Variants in SLIT1 observed in about 807,000 individuals in gnomAD.
The protein encoded by SLIT1 is slit guidance ligand 1.
SLIT1 carries 66 observed loss-of-function variants against 186.1 expected under a neutral mutation model. That is an observed-to-expected ratio of 0.35 (90% CI 0.29 to 0.44). The LOEUF (loss-of-function observed/expected upper bound fraction) is 0.44, where lower values mean the gene tolerates loss of function less well. SLIT1 is among the 20% of genes least tolerant of loss of function. The pLI is 1.00. For synonymous variants in SLIT1, 761 were observed against 833.8 expected, an observed-to-expected ratio of 0.91 and a Z score of 1.50; for missense variants, 1,638 against 2,037.4, an observed-to-expected ratio of 0.80 and a Z score of 3.77.
chr10:97,106,408 G>GAACGAACA (rs989638850), intron 4 of SLIT1, among the ~76,000 whole-genome samples: 22 of 146,038 alleles, frequency 1.5e-4, no homozygotes, highest in Non-Finnish European at 1.5e-5. Flanking sequence ...ATGAATGAAC[G>GAACGAACA]AATGAATGAA....
chr10:97,125,542 A>AAC (rs1193048850), intron 4 of SLIT1, among the ~76,000 whole-genome samples: 3 of 150,868 alleles, frequency 2.0e-5, no homozygotes, highest in African/African-American at 4.9e-5. Context: ...TCAAAAAAAA[A>AAC]AAAAAAAAAA....
In SLIT1 at chr10:97,113,399, C is replaced by T. The variant is rs891627265; in HGVS notation, c.413+44419G>A. ...GATTACAGGCGTGTACCACCACACC[C>T]GGCTAATTTTGTATTTTTAATAGAG... On this transcript the variant is annotated intron_variant, in intron 4 of 36. Transcript: ENST00000266058. 1.3e-4 allele frequency among the ~76,000 whole-genome samples: 19 copies of T among 151,898 alleles called. No homozygotes were observed. In the Middle Eastern group the frequency reaches 0.01, roughly 82 times the overall value.
Position 97,184,820 on chromosome 10 carries a change from A to G in SLIT1, c.197+658T>C, listed in dbSNP as rs1163357299. 6.6e-6 allele frequency among the ~76,000 whole-genome samples: 1 copy of G among 152,124 alleles called. No homozygotes were observed. The highest frequency in any genetic ancestry group is 1.5e-5 in the Non-Finnish European group (1 of 68,010). ...TGCCCCTTTTCGGGTGCTGAATGTT[A>G]CATACCCCAAGCCCCATACCCAAAG... On this transcript the variant is annotated intron_variant, in intron 1 of 36. Transcript: ENST00000266058. This position sits in a 1 kb window ranked among gnomAD's most constrained non-coding sequence, Gnocchi z 4.4.
chr10:97,145,383 T>G (rs1206567855), intron 4 of SLIT1, among the ~76,000 whole-genome samples: 1 of 152,218 alleles, frequency 6.6e-6, no homozygotes, highest in Non-Finnish European at 1.5e-5. Context: ...CCCAAAGTGC[T>G]GGGATTACAG....
intron 4 of SLIT1, among the ~76,000 whole-genome samples, chr10:97,143,947 CA>C (rs1849791328): frequency 6.6e-6 from 1 of 152,180 alleles, no homozygotes; most frequent in Non-Finnish European, 1.5e-5. Flanking sequence ...CCTGTAATCC[CA>C]GCACTTTGGG....
chr10:97,043,136 T>C lies in SLIT1; in HGVS notation c.1998-69A>G. ...CTCAGAGGTCCCAGCAAACCCCTCC[T>C]GTACCACGGACACAGGGCCACATGG... On this transcript the variant is annotated intron_variant, in intron 19 of 36. Transcript: ENST00000266058. The surrounding 1 kb of genome is among the most constrained non-coding windows in gnomAD (Gnocchi z 7.0). 1 of 1,530,992 alleles carries C rather than the reference T, an allele frequency of 6.5e-7. No homozygotes were observed. Among genetic ancestry groups the C allele is most frequent in the South Asian group, 1.2e-5 (1 of 81,938 alleles). The allele number at this position is 1,530,992 out of a possible 1,614,324, so 94.8% of individuals were successfully genotyped here.
chr10:97,027,800 T>C (rs1026309576), intron 25 of SLIT1, among the ~76,000 whole-genome samples: 4 of 152,202 alleles, frequency 2.6e-5, no homozygotes, highest in African/African-American at 9.7e-5. Context: ...CCTCTAGATT[T>C]TGAGCTGGAG....
At position 97,013,785 on chromosome 10, in the gene SLIT1, T is replaced by C; in HGVS notation, c.3159A>G (p.Pro1053=). ...LVDLCSPDLN[P]CQHEAQCVGT... is the part of the protein sequence containing the mutation. ...CCACACACTGGGCCTCGTGTTGACA[T>C]GGGTTCAGATCCGGAGAGCACAAGT... The change falls in exon 30 of 37, where the codon CCA becomes CCG. Residue 1053 remains proline, a synonymous_variant. Coordinates refer to ENST00000266058, the MANE Select transcript of SLIT1 (RefSeq NM_003061.3). The C allele has an allele frequency of 6.4e-7, 1 of 1,551,518 alleles. No individual in the cohort carries two copies. The highest frequency in any genetic ancestry group is 1.2e-5 in the South Asian group (1 of 84,052).
In SLIT1 at chr10:97,060,106, A is replaced by C. The variant is rs1348557816; in HGVS notation, c.994T>G (p.Tyr332Asp). 1 of 1,613,794 alleles carries C rather than the reference A, an allele frequency of 6.2e-7. No homozygotes were observed. Among genetic ancestry groups the C allele is most frequent in the Non-Finnish European group, 8.5e-7 (1 of 1,179,670 alleles). ...KSIPPGAFSP[Y>D]RKLRRIDLSN... is the part of the protein sequence containing the mutation. ...ACTCACATCCTCCGTAGCTTTCTGT[A>C]GGGTGAGAAGGCTCCAGGAGGGATG... The change falls in exon 10 of 37, where the codon TAC becomes GAC. Residue 332 changes from tyrosine to aspartate, a missense_variant. By Grantham distance (160) the Tyr-to-Asp change is radical (BLOSUM62 -3). Transcript: ENST00000266058.
At chr10:97,058,175 C>A (rs1422830113) in intron 11 of SLIT1, 1 of 665,918 alleles carries the variant, frequency 1.5e-6, no homozygotes, top group Non-Finnish European at 2.8e-6. Context: ...GCCACTGAGA[C>A]AGCATCAGAT....
intron 4 of SLIT1, among the ~76,000 whole-genome samples, chr10:97,125,418 A>C (rs1564681860): frequency 1.3e-5 from 2 of 151,340 alleles, no homozygotes; most frequent in African/African-American, 4.9e-5. Context: ...CGCCTGTGGT[A>C]CCCTACTCAG....
rs1030326437 is a variant in SLIT1, at chr10:97,146,290, G to A, written c.413+11528C>T. On this transcript the variant is annotated intron_variant, in intron 4 of 36. Coordinates refer to ENST00000266058, the MANE Select transcript of SLIT1 (RefSeq NM_003061.3). ...AATTACAAATACAAACCTGGGTCAC[G>A]GCTTAAGGGAAGGGTCTAACTAGGA... 2.6e-5 allele frequency among the ~76,000 whole-genome samples: 4 copies of A among 152,274 alleles called. No homozygotes were observed. In the East Asian group the frequency reaches 5.8e-4, roughly 22 times the overall value.
rs1445124186 is a variant in SLIT1, at chr10:97,043,424, T to C, written c.1943A>G (p.Gln648Arg). ...NVRLLSLYDN[Q>R]ITTVSPGAFD... ...GGCTCCTGGGGATACGGTGGTGATC[T>C]GGTTGTCGTAGAGCGAGAGGAGCCG... The change falls in exon 19 of 37, where the codon CAG becomes CGG. Residue 648 changes from glutamine (Q) to arginine (R), a missense_variant. Physicochemically the swap from Gln to Arg is conservative, Grantham distance 43. Transcript: ENST00000266058. The surrounding 1 kb of genome is among the most constrained non-coding windows in gnomAD (Gnocchi z 7.0). The C allele has an allele frequency of 6.2e-7, 1 of 1,613,854 alleles. No homozygotes were observed. The highest frequency in any genetic ancestry group is 1.7e-5 in the Admixed American group (1 of 60,012).
At chr10:97,166,317 C>T (rs986787929) in intron 1 of SLIT1, among the ~76,000 whole-genome samples, 1 of 151,656 alleles carries the variant, frequency 6.6e-6, no homozygotes, top group Non-Finnish European at 1.5e-5. Context: ...GAGTTCGAGA[C>T]CAGCCTGGCC....
intron 4 of SLIT1, among the ~76,000 whole-genome samples, chr10:97,127,384 G>A (rs1412558404): frequency 6.6e-6 from 1 of 152,158 alleles, no homozygotes; most frequent in Non-Finnish European, 1.5e-5. Context: ...TAGCTTAAAA[G>A]AGAAAAGGGC....
At chr10:97,012,093 C>T (rs1170576664) in intron 30 of SLIT1, among the ~76,000 whole-genome samples, 1 of 150,372 alleles carries the variant, frequency 6.7e-6, no homozygotes, top group East Asian at 2.0e-4. Context: ...CACACACACA[C>T]ACACACACAC....
At chr10:97,170,922 G>A (rs926554154) in intron 1 of SLIT1, among the ~76,000 whole-genome samples, 3 of 152,062 alleles carry the variant, frequency 2.0e-5, no homozygotes, top group African/African-American at 7.2e-5. Context: ...CTGTTCTGGG[G>A]GCTCCTGGCA....
chr10:97,031,559 C>T (rs1196974175), intron 24 of SLIT1, 47 bp downstream of exon 24: 1 of 1,477,056 alleles, frequency 6.8e-7, no homozygotes. Context: ...TGGCAGGACC[C>T]TCAGTGGGGT....
chr10:97,138,438 T>A (rs1229561852), intron 4 of SLIT1, among the ~76,000 whole-genome samples: 1 of 152,232 alleles, frequency 6.6e-6, no homozygotes, highest in Non-Finnish European at 1.5e-5. Context: ...CCACGGTCTG[T>A]GGTCAATGTT....
Sources: allele counts gnomAD v4.1 joint callset (sites outside exome capture counted in the v4.1 genomes callset), GRCh38; gene constraint gnomAD v4.1.1; non-coding constraint Gnocchi (gnomAD v3.1); transcripts MANE v1.5; gene names NCBI Gene and HGNC (gene_info 2026-07-23, HGNC 2026-07-21).